SCRN1: variants seen among roughly 807,000 people sequenced by gnomAD.
The protein encoded by SCRN1 is secernin-1.
A neutral mutation model predicts 43.3 loss-of-function variants in SCRN1; 19 were observed. The observed-to-expected ratio is 0.44, with a 90% confidence interval of 0.31 to 0.64. The LOEUF (loss-of-function observed/expected upper bound fraction) is 0.64. Among genes scored for constraint, SCRN1 ranks in the 30% least tolerant of loss-of-function variants. SCRN1 has a pLI of 0.09. For missense variants in SCRN1, 447 were observed against 524.1 expected (o/e 0.85, Z 1.44); for synonymous variants, 183 against 188.9 (o/e 0.97, Z 0.26).
intron 2 of SCRN1, among the ~76,000 whole-genome samples, chr7:29,957,932 T>TA (rs1180770398): frequency 1.3e-5 from 2 of 152,246 alleles, no homozygotes; most frequent in East Asian, 1.9e-4. Context: ...ATTGCCTGAT[T>TA]AAAAAAATGT....
intron 1 of SCRN1, among the ~76,000 whole-genome samples, chr7:29,981,078 G>A (rs544346299): frequency 1.2e-4 from 18 of 151,922 alleles, no homozygotes; most frequent in African/African-American, 4.3e-4. Context: ...TGCTTTATTG[G>A]TCTTTTAATT....
At chr7:29,968,229 T>C (rs1788558026) in intron 2 of SCRN1, among the ~76,000 whole-genome samples, 1 of 152,152 alleles carries the variant, frequency 6.6e-6, no homozygotes, top group Non-Finnish European at 1.5e-5. Flanking sequence ...ACAATCCAAA[T>C]GTCCAGCAGT....
chr7:29,926,955 G>T (rs907384162), intron 6 of SCRN1, among the ~76,000 whole-genome samples: 2 of 151,514 alleles, frequency 1.3e-5, no homozygotes, highest in Admixed American at 6.6e-5. Flanking sequence ...TCTGAGAAAC[G>T]GTGCAAGGAG....
intron 7 of SCRN1, among the ~76,000 whole-genome samples, chr7:29,925,854 C>CA (rs59395122): frequency 0.35 from 29,667 of 84,030 alleles, 3,470 homozygotes; most frequent in Middle Eastern, 0.4. Context: ...ACTAAAAATA[C>CA]AAAAAAAAAA....
At chr7:29,973,992 G>T (rs115213677) in intron 1 of SCRN1, among the ~76,000 whole-genome samples, 1,601 of 152,166 alleles carry the variant, frequency 0.011, 25 homozygotes, top group African/African-American at 0.037. Flanking sequence ...GATTTGAGGG[G>T]CAAGATAAAT....
intron 2 of SCRN1, among the ~76,000 whole-genome samples, chr7:29,966,127 G>A (rs1228586539): frequency 1.3e-5 from 2 of 150,414 alleles, no homozygotes; most frequent in South Asian, 2.1e-4. Flanking sequence ...CACACAGAGA[G>A]AGAGAGAGAC....
At chr7:29,990,282 G>A (rs1349446782), upstream of SCRN1, 3 of 1,546,706 alleles carry the variant, frequency 1.9e-6, no homozygotes, top group Non-Finnish European at 2.6e-6. Flanking sequence ...GGACATTGTG[G>A]CCTAGAGAGG....
At chr7:29,983,142 A>T (rs971246384) in intron 1 of SCRN1, among the ~76,000 whole-genome samples, 1 of 151,848 alleles carries the variant, frequency 6.6e-6, no homozygotes, top group African/African-American at 2.4e-5. Flanking sequence ...TGGCCCAAGA[A>T]GTGTCTCTTC....
At chr7:29,961,967 G>A (rs545450178) in intron 2 of SCRN1, among the ~76,000 whole-genome samples, 3 of 152,142 alleles carry the variant, frequency 2.0e-5, no homozygotes, top group East Asian at 2.0e-4. Context: ...AGGGAGAACC[G>A]CCTGGAAAGG....
In SCRN1 at chr7:29,922,013, T is replaced by TGGG. The variant is rs1183994342; in HGVS notation, c.*1943_*1944insCCC. ...GAACATGGACTTGGGAGGGGAGAGT[T>TGGG]ACCTACGTCATCCTCGAACCTCACT... On this transcript the variant is annotated 3_prime_UTR_variant, in exon 8 of 8. Transcript: ENST00000242059. 6.6e-6 allele frequency: 1 copy of TGGG among 152,096 alleles called. No individual in the cohort carries two copies. Among genetic ancestry groups the TGGG allele is most frequent in the Admixed American group, 6.6e-5 (1 of 15,266 alleles). The allele number at this position is 152,096 out of a possible 1,614,324, so 9.4% of individuals were successfully genotyped here.
At chr7:29,935,467 A>G (rs1787292326) in intron 6 of SCRN1, among the ~76,000 whole-genome samples, 1 of 152,264 alleles carries the variant, frequency 6.6e-6, no homozygotes, top group African/African-American at 2.4e-5. Flanking sequence ...TCAGACACTG[A>G]TAATGATGTT....
chr7:29,929,847 T>C (rs966777752), intron 6 of SCRN1, among the ~76,000 whole-genome samples: 5 of 152,228 alleles, frequency 3.3e-5, no homozygotes, highest in Non-Finnish European at 5.9e-5. Flanking sequence ...CTGTATTCAA[T>C]ATAGGATAAA....
intron 1 of SCRN1, 139 bp downstream of exon 1, chr7:29,989,503 A>G: frequency 1.0e-6 from 1 of 953,424 alleles, no homozygotes. Context: ...AGCACCGGGA[A>G]TCGGCCTGGG....
chr7:29,966,197 G>GAGAGAT, intron 2 of SCRN1, among the ~76,000 whole-genome samples: 1 of 150,876 alleles, frequency 6.6e-6, no homozygotes, highest in Admixed American at 6.7e-5. Flanking sequence ...GAGAGAGAGA[G>GAGAGAT]AGAGAGAAGC....
At chr7:29,985,045 G>A (rs1408979639) in intron 1 of SCRN1, among the ~76,000 whole-genome samples, 1 of 144,132 alleles carries the variant, frequency 6.9e-6, no homozygotes, top group East Asian at 2.0e-4. Context: ...TGGGTAATTT[G>A]GCCAAATCTA....
chr7:29,923,806 G>T lies in SCRN1; in HGVS notation c.*151C>A. On this transcript the variant is annotated 3_prime_UTR_variant, in exon 8 of 8. Transcript: ENST00000242059. ...AGAAGGGGACGCTGTGAGATTCAAGGTGGAACACAAGGTAACAGTTTGATC... is the reference window on the plus strand; with the variant it reads ...AGAAGGGGACGCTGTGAGATTCAAGTTGGAACACAAGGTAACAGTTTGATC... The T allele has an allele frequency of 1.2e-6, 1 of 813,528 alleles. No individual in the cohort carries two copies. The highest frequency in any genetic ancestry group is 2.0e-6 in the Non-Finnish European group (1 of 506,706). 50.4% of individuals were successfully genotyped at this position (813,528 alleles called of 1,614,324 possible).
intron 5 of SCRN1, 129 bp from the exon 6 acceptor site, chr7:29,936,850 T>C: frequency 1.7e-6 from 1 of 594,398 alleles, no homozygotes; most frequent in Non-Finnish European, 2.6e-6. Context: ...ATCGCGACCA[T>C]CCTGCATAAC....
At chr7:29,975,154 C>T (rs939855915) in intron 1 of SCRN1, among the ~76,000 whole-genome samples, 3 of 152,076 alleles carry the variant, frequency 2.0e-5, no homozygotes, top group Admixed American at 6.5e-5. Flanking sequence ...ATCACATACA[C>T]GAATATAAAA....
At chr7:29,973,185 A>G (rs1788716315) in intron 1 of SCRN1, among the ~76,000 whole-genome samples, 1 of 152,254 alleles carries the variant, frequency 6.6e-6, no homozygotes, top group African/African-American at 2.4e-5. Flanking sequence ...GACTTAGATT[A>G]CATAAGTTAA....
Sources: allele counts gnomAD v4.1 joint callset (sites outside exome capture counted in the v4.1 genomes callset), GRCh38; gene constraint gnomAD v4.1.1; transcripts MANE v1.5; gene names NCBI Gene and HGNC (gene_info 2026-07-23, HGNC 2026-07-21).